LIMCH1: variants seen among roughly 807,000 people sequenced by gnomAD.
The protein encoded by LIMCH1 is LIM and calponin homology domains 1.
A neutral mutation model predicts 176.5 loss-of-function variants in LIMCH1; 113 were observed. That is an observed-to-expected ratio of 0.64 (90% CI 0.55 to 0.75). The LOEUF (loss-of-function observed/expected upper bound fraction) is 0.75, where lower values mean the gene tolerates loss of function less well. Ranked by LOEUF, LIMCH1 falls within the 30% of genes least tolerant of loss-of-function variation. The pLI, the probability that LIMCH1 is intolerant of heterozygous loss-of-function variation, is 0.00. For missense variants in LIMCH1, 1,674 were observed against 1,814.9 expected (o/e 0.92, Z 1.41); for synonymous variants, 619 against 645.9 (o/e 0.96, Z 0.63).
chr4:41,659,129 A>G (rs1440819003), intron 18 of LIMCH1, among the ~76,000 whole-genome samples: 1 of 152,212 alleles, frequency 6.6e-6, no homozygotes, highest in East Asian at 1.9e-4. Context: ...TATAGCAAAC[A>G]ATGTAAACAC....
intron 4 of LIMCH1, among the ~76,000 whole-genome samples, chr4:41,608,805 T>C (rs1300690525): frequency 6.6e-6 from 1 of 152,118 alleles, no homozygotes; most frequent in Non-Finnish European, 1.5e-5. Context: ...AATATTAAGA[T>C]TGAAGGGACA....
intron 1 of LIMCH1, among the ~76,000 whole-genome samples, chr4:41,390,589 A>C (rs1467637749): frequency 1.3e-5 from 2 of 152,224 alleles, no homozygotes; most frequent in African/African-American, 4.8e-5. Context: ...CAAATTTTTT[A>C]TTGTAAACAT....
At chr4:41,361,517 C>G (rs1012815856) in intron 1 of LIMCH1, among the ~76,000 whole-genome samples, 5 of 152,226 alleles carry the variant, frequency 3.3e-5, no homozygotes, top group Non-Finnish European at 4.4e-5. Flanking sequence ...GCTTGCAAGA[C>G]CCACCTGCGA....
chr4:41,490,799 A>G (rs1455669558), intron 1 of LIMCH1, among the ~76,000 whole-genome samples: 2 of 152,008 alleles, frequency 1.3e-5, no homozygotes, highest in Non-Finnish European at 2.9e-5. Context: ...GTCTCTTCGG[A>G]GCTGTTGGGT....
At chr4:41,378,392 G>A (rs1423214992) in intron 1 of LIMCH1, among the ~76,000 whole-genome samples, 2 of 152,190 alleles carry the variant, frequency 1.3e-5, no homozygotes, top group Non-Finnish European at 2.9e-5. Flanking sequence ...AATGGTGAGG[G>A]TATTTTTAGC....
chr4:41,691,093 C>T (rs1270426466), intron 30 of LIMCH1, among the ~76,000 whole-genome samples: 1 of 152,040 alleles, frequency 6.6e-6, no homozygotes, highest in African/African-American at 2.4e-5. Context: ...GGAGACTTGC[C>T]TTCTTAACTC....
At chr4:41,473,295 A>G in intron 1 of LIMCH1, 4 of 534,638 alleles carry the variant, frequency 7.5e-6, no homozygotes, top group Non-Finnish European at 9.6e-6. Flanking sequence ...TGGTCCCATC[A>G]CTACCAACGT....
chr4:41,587,825 C>T (rs1238497343), intron 1 of LIMCH1, among the ~76,000 whole-genome samples: 1 of 152,172 alleles, frequency 6.6e-6, no homozygotes, highest in African/African-American at 2.4e-5. Flanking sequence ...TAAGCACTGA[C>T]TCGTCATCAT....
chr4:41,509,494 C>T (rs1218334670), intron 2 of LIMCH1, among the ~76,000 whole-genome samples: 1 of 152,184 alleles, frequency 6.6e-6, no homozygotes, highest in Non-Finnish European at 1.5e-5. Context: ...CTCCCTTGTC[C>T]TTCTGCCAAA....
chr4:41,376,085 A>G (rs112138551), intron 1 of LIMCH1, among the ~76,000 whole-genome samples: 3 of 152,220 alleles, frequency 2.0e-5, no homozygotes, highest in Non-Finnish European at 4.4e-5. Context: ...CAAGTCTCCA[A>G]TAAAGTTTTC....
intron 31 of LIMCH1, among the ~76,000 whole-genome samples, chr4:41,696,893 A>T (rs1045551366): frequency 6.6e-6 from 1 of 152,158 alleles, no homozygotes; most frequent in African/African-American, 2.4e-5. Flanking sequence ...CATTTGATCA[A>T]ACTTCACAGT....
chr4:41,659,945 A>G (rs2094565059), intron 18 of LIMCH1, among the ~76,000 whole-genome samples: 1 of 152,210 alleles, frequency 6.6e-6, no homozygotes, highest in South Asian at 2.1e-4. Context: ...TTCCAATTAC[A>G]GAAGTAATAC....
rs183137039 is a variant in LIMCH1, at chr4:41,695,012, C to T, written c.4379-2148C>T. Among the ~76,000 whole-genome samples, 34 of 152,100 alleles carry T rather than the reference C, an allele frequency of 2.2e-4. 1 individual carries two copies. Among genetic ancestry groups the T allele is most frequent in the Admixed American group, 1.6e-3 (24 of 15,266 alleles). ...GTTTGAACATCTTTTCATATGTTTA[C>T]TCACTATTTATATTTCCTTTTCTGT... On this transcript the variant is annotated intron_variant, in intron 31 of 31. Coordinates refer to ENST00000503057, the MANE Select transcript of LIMCH1 (RefSeq NM_001330672.2).
At chr4:41,628,168 CAGTTGTGCA>C (rs371814883) in intron 8 of LIMCH1, among the ~76,000 whole-genome samples, 3 of 152,162 alleles carry the variant, frequency 2.0e-5, no homozygotes, top group African/African-American at 7.2e-5. Flanking sequence ...TGGGAGGGAT[CAGTTGTGCA>C]AGTGAAACAA....
At chr4:41,674,892 T>C (rs2095165193) in intron 22 of LIMCH1, among the ~76,000 whole-genome samples, 1 of 152,180 alleles carries the variant, frequency 6.6e-6, no homozygotes, top group Non-Finnish European at 1.5e-5. Context: ...AAATGTTAAG[T>C]TAACCCACCT....
At chr4:41,645,276 A>C (rs1271048013) in intron 15 of LIMCH1, among the ~76,000 whole-genome samples, 1 of 152,180 alleles carries the variant, frequency 6.6e-6, no homozygotes, top group Admixed American at 6.5e-5. Flanking sequence ...AGCACTCTGG[A>C]GGTAGCTATT....
chr4:41,582,495 A>G (rs140012967), intron 1 of LIMCH1, among the ~76,000 whole-genome samples: 293 of 152,314 alleles, frequency 1.9e-3, no homozygotes, highest in African/African-American at 6.2e-3. Flanking sequence ...GCCTAAATTT[A>G]TAGACCTGGA....
At chr4:41,570,744 C>T (rs1447273012) in intron 1 of LIMCH1, among the ~76,000 whole-genome samples, 3 of 152,060 alleles carry the variant, frequency 2.0e-5, no homozygotes, top group Non-Finnish European at 4.4e-5. Context: ...TGAATGGCAC[C>T]GCCCAACAAA....
intron 1 of LIMCH1, among the ~76,000 whole-genome samples, chr4:41,445,067 G>C (rs554620733): frequency 6.8e-6 from 1 of 146,850 alleles, no homozygotes; most frequent in African/African-American, 2.5e-5. Flanking sequence ...GTGCAGTGGC[G>C]CAATCTTGGC....
Sources: gnomAD v4.1 joint callset for allele counts (sites outside exome capture counted in the v4.1 genomes callset) on GRCh38, gnomAD v4.1.1 for gene constraint, MANE v1.5 for transcripts, NCBI Gene and HGNC (gene_info 2026-07-23, HGNC 2026-07-21) for gene names.